TCAIM: variants seen among roughly 807,000 people sequenced by gnomAD.
TCAIM encodes the protein T cell activation inhibitor, mitochondrial.
A neutral mutation model predicts 58.6 loss-of-function variants in TCAIM; 36 were observed. That is an observed-to-expected ratio of 0.61 (90% CI 0.47 to 0.81). The LOEUF (loss-of-function observed/expected upper bound fraction) is 0.81, where lower values mean the gene tolerates loss of function less well. Among genes scored for constraint, TCAIM ranks in the 30% least tolerant of loss-of-function variants. The pLI is 0.00. For missense variants in TCAIM, 466 were observed against 579.6 expected, an observed-to-expected ratio of 0.80 and a Z score of 2.01; for synonymous variants, 172 against 193.6, an observed-to-expected ratio of 0.89 and a Z score of 0.93.
intron 5 of TCAIM, among the ~76,000 whole-genome samples, chr3:44,369,147 A>G (rs1021034574): frequency 6.6e-6 from 1 of 152,230 alleles, no homozygotes; most frequent in Non-Finnish European, 1.5e-5. Flanking sequence ...CTACAGTGAG[A>G]ATTGAAGTAG....
intron 2 of TCAIM, among the ~76,000 whole-genome samples, chr3:44,355,245 G>A (rs1463063996): frequency 8.9e-6 from 1 of 112,006 alleles, no homozygotes; most frequent in Non-Finnish European, 2.0e-5. Flanking sequence ...ATTTGGATAG[G>A]TAAAAATGCA....
intron 5 of TCAIM, among the ~76,000 whole-genome samples, chr3:44,388,977 G>T (rs1701787861): frequency 1.3e-5 from 2 of 152,178 alleles, no homozygotes; most frequent in African/African-American, 4.8e-5. Flanking sequence ...GCCAGAGCCA[G>T]GAAACATGTA....
chr3:44,358,999 A>T, intron 3 of TCAIM: 1 of 984,070 alleles, frequency 1.0e-6, no homozygotes, highest in Non-Finnish European at 1.2e-6. Flanking sequence ...TAACTCGGGG[A>T]TGCATTAATA....
At chr3:44,387,546 A>C (rs1381475377) in intron 5 of TCAIM, among the ~76,000 whole-genome samples, 1 of 152,174 alleles carries the variant, frequency 6.6e-6, no homozygotes, top group Non-Finnish European at 1.5e-5. Flanking sequence ...CCTTGCATGG[A>C]GCCAGTGCCT....
At position 44,394,937 on chromosome 3, in the gene TCAIM, T is replaced by A. The variant is rs1405711410; in HGVS notation, c.696-1463T>A. 5.4e-3 allele frequency among the ~76,000 whole-genome samples: 458 copies of A among 84,810 alleles called. 3 individuals carry two copies. Among genetic ancestry groups the A allele is most frequent in the Non-Finnish European group, 7.4e-3 (332 of 45,080 alleles). 55.6% of individuals were successfully genotyped at this position (84,810 alleles called of 152,430 possible). ...AAAAAAAAAAATATATATATATATA[T>A]ATATATATATATATATATATATGTA... On this transcript the variant is annotated intron_variant, in intron 6 of 10. Transcript: ENST00000342649.
intron 5 of TCAIM, among the ~76,000 whole-genome samples, chr3:44,378,936 A>G (rs1189530145): frequency 6.6e-6 from 1 of 152,020 alleles, no homozygotes; most frequent in Non-Finnish European, 1.5e-5. Context: ...AAGTGGGGAG[A>G]TTGCTTGAAC....
chr3:44,392,225 G>A (rs1701849586), intron 5 of TCAIM, among the ~76,000 whole-genome samples: 1 of 152,176 alleles, frequency 6.6e-6, no homozygotes, highest in Admixed American at 6.5e-5. Flanking sequence ...TTAAAAGTAG[G>A]TATCTCTGAA....
chr3:44,396,414 G>A lies in TCAIM; in HGVS notation c.710G>A (p.Trp237Ter), dbSNP rs1412920049. The A allele has an allele frequency of 6.2e-7, 1 of 1,613,216 alleles. No individual in the cohort carries two copies. The highest frequency in any genetic ancestry group is 1.3e-5 in the African/African-American group (1 of 75,016). The change falls in exon 7 of 11, where the codon TGG becomes TAG. Residue 237 changes from tryptophan to a stop codon, truncating the protein, a stop_gained. Transcript: ENST00000342649. LOFTEE classifies it high-confidence loss of function. ...QLSDIRWQRS[W>*]GIAHRCSQLH... ...TGTTGGCCTAGGTGGCAGAGGAGCT[G>A]GGGCATCGCCCACCGCTGTAGCCAG...
At chr3:44,390,651 T>C (rs1027365554) in intron 5 of TCAIM, among the ~76,000 whole-genome samples, 1 of 151,860 alleles carries the variant, frequency 6.6e-6, no homozygotes, top group Non-Finnish European at 1.5e-5. Flanking sequence ...CAGAGAAGAT[T>C]AGCATAGCCA....
intron 6 of TCAIM, among the ~76,000 whole-genome samples, chr3:44,394,079 G>C (rs1701883862): frequency 1.3e-5 from 2 of 151,916 alleles, no homozygotes; most frequent in Non-Finnish European, 2.9e-5. Context: ...GCAATAGCCT[G>C]TTTTGTTGTT....
In TCAIM at chr3:44,377,200, A is replaced by G. The variant is rs190480592; in HGVS notation, c.572+9492A>G. ...AAAGGGTGGAAAAAGATAGTATTCC[A>G]TGCAATAGTAACCAAAAGAGAGTTA... On this transcript the variant is annotated intron_variant, in intron 5 of 10. Transcript: ENST00000342649. 5.9e-5 allele frequency among the ~76,000 whole-genome samples: 9 copies of G among 152,336 alleles called. No homozygotes were observed. The East Asian group carries it at 1.2e-3, about 20-fold the overall frequency.
intron 5 of TCAIM, among the ~76,000 whole-genome samples, chr3:44,372,543 C>T (rs534408758): frequency 7.3e-5 from 11 of 151,666 alleles, no homozygotes; most frequent in African/African-American, 2.4e-4. Context: ...TTATATCAAT[C>T]TGATCTCTTG....
At chr3:44,358,726 C>G in intron 3 of TCAIM, 1 of 986,148 alleles carries the variant, frequency 1.0e-6, no homozygotes, top group Non-Finnish European at 1.2e-6. Context: ...CAAGGGACTG[C>G]TATGTATTAC....
intron 10 of TCAIM, among the ~76,000 whole-genome samples, chr3:44,402,183 T>G (rs1002932721): frequency 2.0e-5 from 3 of 151,644 alleles, no homozygotes; most frequent in African/African-American, 7.3e-5. Flanking sequence ...GGCAAGGAGA[T>G]CACTTGAGCC....
At chr3:44,348,651 T>C (rs1406165562) in intron 1 of TCAIM, among the ~76,000 whole-genome samples, 3 of 152,218 alleles carry the variant, frequency 2.0e-5, no homozygotes, top group Admixed American at 2.0e-4. Flanking sequence ...ATTTAAGTCC[T>C]GTTGTGGGGT....
At chr3:44,366,627 A>AT (rs11310203) in intron 4 of TCAIM, among the ~76,000 whole-genome samples, 63 of 148,500 alleles carry the variant, frequency 4.2e-4, no homozygotes, top group Middle Eastern at 7.0e-3. Context: ...CGCCCGGCTA[A>AT]TTTTTTTTTT....
At chr3:44,388,395 T>C (rs1701777781) in intron 5 of TCAIM, among the ~76,000 whole-genome samples, 1 of 152,154 alleles carries the variant, frequency 6.6e-6, no homozygotes, top group South Asian at 2.1e-4. Context: ...AGCCAGTTAT[T>C]TTGTAGAATG....
chr3:44,405,205 T>A (rs897468704), intron 10 of TCAIM, among the ~76,000 whole-genome samples: 17 of 152,222 alleles, frequency 1.1e-4, no homozygotes, highest in African/African-American at 3.9e-4. Context: ...CAACCAGCTC[T>A]CCCTAGCAGG....
intron 10 of TCAIM, among the ~76,000 whole-genome samples, chr3:44,406,375 G>A (rs1305560798): frequency 6.6e-6 from 1 of 152,182 alleles, no homozygotes; most frequent in Admixed American, 6.5e-5. Context: ...AAGTTTAAGG[G>A]TTCTTTCTGT....
Sources: allele counts gnomAD v4.1 joint callset (sites outside exome capture counted in the v4.1 genomes callset), GRCh38; gene constraint gnomAD v4.1.1; transcripts MANE v1.5; gene names NCBI Gene and HGNC (gene_info 2026-07-23, HGNC 2026-07-21).